Variants in YWHAZ observed in about 807,000 individuals in gnomAD.
YWHAZ encodes the protein tyrosine 3-monooxygenase/tryptophan 5-monooxygenase activation protein zeta.
For synonymous variants in YWHAZ, 87 were observed against 103.6 expected (o/e 0.84, Z 0.97); for missense variants, 79 against 284.8 (o/e 0.28, Z 5.20).
rs1812750404 is a variant in YWHAZ at position 100,917,428 on chromosome 8, A to AAACAT, written c.*3260_*3264dup. The AAACAT allele has an allele frequency of 6.9e-6, 1 of 144,506 alleles. No individual in the cohort carries two copies. Among genetic ancestry groups the AAACAT allele is most frequent in the African/African-American group, 2.4e-5 (1 of 41,202 alleles). 9.0% of individuals were successfully genotyped at this position (144,506 alleles called of 1,614,324 possible). A position where few individuals can be genotyped will look rare whatever the true frequency, so the allele number is the denominator to read the frequency against. ...AACTCTTAAGTGGCCAATTTAAAAA[A>AAACAT]AACATACCAGGGTGGGCACAGTGGC... is the stretch of plus-strand genomic sequence containing the variant. On this transcript the variant is annotated 3_prime_UTR_variant, in exon 6 of 6. Coordinates refer to ENST00000395958, the MANE Select transcript of YWHAZ (RefSeq NM_145690.3).
Position 100,917,603 on chromosome 8 carries a change from C to T in YWHAZ, c.*3090G>A, listed in dbSNP as rs773277626. The T allele has an allele frequency of 6.6e-6, 1 of 152,190 alleles. No homozygotes were observed. The highest frequency in any genetic ancestry group is 1.5e-5 in the Non-Finnish European group (1 of 68,082). 9.4% of individuals were successfully genotyped at this position (152,190 alleles called of 1,614,324 possible). On this transcript the variant is annotated 3_prime_UTR_variant, in exon 6 of 6. Transcript: ENST00000395958. Reference sequence around the variant, plus strand: ...GAGTGGTGGCACATGCCTGCAGTCCCAGCTACTTGCGAGGCTGAGGCAGGA... The same window carrying T: ...GAGTGGTGGCACATGCCTGCAGTCCTAGCTACTTGCGAGGCTGAGGCAGGA...
chr8:100,928,105 C>CCGGT (rs1310669102), intron 2 of YWHAZ, among the ~76,000 whole-genome samples: 1 of 152,166 alleles, frequency 6.6e-6, no homozygotes, highest in Admixed American at 6.5e-5. Flanking sequence ...AGGTGAAACC[C>CCGGT]CGGTCTCTAC....
intron 1 of YWHAZ, among the ~76,000 whole-genome samples, chr8:100,949,928 C>A (rs1810585638): frequency 6.6e-6 from 1 of 152,160 alleles, no homozygotes; most frequent in Non-Finnish European, 1.5e-5. Context: ...AGTGACACCA[C>A]AGAATAAATG....
At chr8:100,930,243 C>T (rs1473911020) in intron 2 of YWHAZ, among the ~76,000 whole-genome samples, 1 of 152,190 alleles carries the variant, frequency 6.6e-6, no homozygotes, top group East Asian at 1.9e-4. Context: ...GGACTGCAGG[C>T]ACATGCCATC....
At chr8:100,947,490 A>G (rs1371556438) in intron 2 of YWHAZ, among the ~76,000 whole-genome samples, 2 of 152,196 alleles carry the variant, frequency 1.3e-5, no homozygotes, top group African/African-American at 4.8e-5. Flanking sequence ...TTAAAAAATC[A>G]CTATTCTTTA....
chr8:100,940,195 C>T (rs1419533583), intron 2 of YWHAZ, among the ~76,000 whole-genome samples: 1 of 152,174 alleles, frequency 6.6e-6, no homozygotes, highest in Non-Finnish European at 1.5e-5. Flanking sequence ...CTCCCCTCCC[C>T]CAGGATCTAG....
chr8:100,944,041 CTTCCT>C (rs899761874), intron 2 of YWHAZ, among the ~76,000 whole-genome samples: 2 of 151,280 alleles, frequency 1.3e-5, no homozygotes, highest in Non-Finnish European at 3.0e-5. Context: ...CAATTTTTTC[CTTCCT>C]GAGACCACAG....
chr8:100,942,048 T>C (rs1809904628), intron 2 of YWHAZ, among the ~76,000 whole-genome samples: 1 of 152,228 alleles, frequency 6.6e-6, no homozygotes, highest in South Asian at 2.1e-4. Context: ...TTGTTACCAC[T>C]GTAAGCACAT....
chr8:100,942,218 G>C (rs1271043092), intron 2 of YWHAZ, among the ~76,000 whole-genome samples: 1 of 152,078 alleles, frequency 6.6e-6, no homozygotes, highest in Non-Finnish European at 1.5e-5. Flanking sequence ...TCATCCACAT[G>C]GCTTTGGTGC....
At chr8:100,937,887 T>C (rs3134355) in intron 2 of YWHAZ, among the ~76,000 whole-genome samples, 14,214 of 152,182 alleles carry the variant, frequency 0.093, 1,252 homozygotes, top group East Asian at 0.48. Flanking sequence ...TCCCAGCACT[T>C]TGGGAGGCCG....
At chr8:100,947,927 T>C (rs1432297318) in intron 2 of YWHAZ, 2 of 568,898 alleles carry the variant, frequency 3.5e-6, no homozygotes, top group Non-Finnish European at 6.0e-6. Flanking sequence ...ATATGACAGA[T>C]TAAAATTAAC....
At chr8:100,929,583 T>C (rs1001212586) in intron 2 of YWHAZ, among the ~76,000 whole-genome samples, 1 of 152,240 alleles carries the variant, frequency 6.6e-6, no homozygotes, top group African/African-American at 2.4e-5. Flanking sequence ...TTAACTATAA[T>C]TTCCCTACTG....
At chr8:100,940,737 G>A (rs1192058036) in intron 2 of YWHAZ, among the ~76,000 whole-genome samples, 1 of 152,222 alleles carries the variant, frequency 6.6e-6, no homozygotes, top group Non-Finnish European at 1.5e-5. Flanking sequence ...CCTAGAGGTA[G>A]ATAGTATTAT....
At chr8:100,932,673 C>G (rs750998624) in intron 2 of YWHAZ, among the ~76,000 whole-genome samples, 3 of 152,074 alleles carry the variant, frequency 2.0e-5, no homozygotes, top group Admixed American at 6.5e-5. Flanking sequence ...TCTGAATACC[C>G]ACAGCTTATC....
At chr8:100,930,182 T>C (rs1813666906) in intron 2 of YWHAZ, among the ~76,000 whole-genome samples, 1 of 152,222 alleles carries the variant, frequency 6.6e-6, no homozygotes, top group Non-Finnish European at 1.5e-5. Flanking sequence ...CACTGCAACC[T>C]CAGCCTCCCC....
intron 2 of YWHAZ, among the ~76,000 whole-genome samples, chr8:100,926,287 G>C (rs562633762): frequency 2.6e-5 from 4 of 151,718 alleles, no homozygotes; most frequent in Admixed American, 2.6e-4. Context: ...TATATAAAGA[G>C]GTTAAAGGTG....
At chr8:100,949,488 TG>T (rs1180253524) in intron 1 of YWHAZ, among the ~76,000 whole-genome samples, 2 of 152,066 alleles carry the variant, frequency 1.3e-5, no homozygotes, top group South Asian at 2.1e-4. Context: ...CATAACAATT[TG>T]GGGGGGAATG....
chr8:100,942,293 CACT>C (rs1323632141), intron 2 of YWHAZ, among the ~76,000 whole-genome samples: 1 of 152,190 alleles, frequency 6.6e-6, no homozygotes. Flanking sequence ...TCCTACACTA[CACT>C]ACTACTTCTA....
chr8:100,941,726 A>C (rs1809873780), intron 2 of YWHAZ, among the ~76,000 whole-genome samples: 1 of 151,002 alleles, frequency 6.6e-6, no homozygotes, highest in Non-Finnish European at 1.5e-5. Context: ...TGGAGGCTGC[A>C]GTGAGGCGAG....
Sources: gnomAD v4.1 joint callset for allele counts (sites outside exome capture counted in the v4.1 genomes callset) on GRCh38, gnomAD v4.1.1 for gene constraint, MANE v1.5 for transcripts, NCBI Gene and HGNC (gene_info 2026-07-23, HGNC 2026-07-21) for gene names.